Variants in PCDHGA2 observed in about 807,000 individuals in gnomAD.
The protein encoded by PCDHGA2 is protocadherin gamma subfamily A, 2.
A neutral mutation model predicts 59.2 loss-of-function variants in PCDHGA2; 40 were observed. That is an observed-to-expected ratio of 0.68 (90% CI 0.52 to 0.88). PCDHGA2 has a LOEUF of 0.88. PCDHGA2 is among the 40% of genes least tolerant of loss of function. PCDHGA2 has a pLI of 0.00. For missense variants in PCDHGA2, 1,226 were observed against 1,204.0 expected (o/e 1.02, Z -0.27); for synonymous variants, 560 against 526.0 (o/e 1.06, Z -0.89).
At chr5:141,510,272 TAA>T (rs546154379) in intron 3 of PCDHGA2, among the ~76,000 whole-genome samples, 46 of 130,286 alleles carry the variant, frequency 3.5e-4, no homozygotes, top group South Asian at 5.0e-4. Context: ...GACTCCATCT[TAA>T]AAAAAAAAAA....
rs2099170089 is a variant in PCDHGA2, at chr5:141,468,602, C to T, written c.2425-26205C>T. On this transcript the variant is annotated intron_variant, in intron 1 of 3. Coordinates refer to ENST00000394576, the MANE Select transcript of PCDHGA2 (RefSeq NM_018915.4). ...GTACTAAAGGCTGGGCGCGGTGGCT[C>T]ACGCCTGTAATCCCAGCACTTTGGG... The T allele has an allele frequency of 2.6e-5, 4 of 152,284 alleles. No individual in the cohort carries two copies. The South Asian group carries it at 8.3e-4, about 32-fold the overall frequency. 9.4% of individuals were successfully genotyped at this position (152,284 alleles called of 1,614,324 possible).
chr5:141,354,760 T>C (rs190195558), intron 1 of PCDHGA2, among the ~76,000 whole-genome samples: 1 of 152,254 alleles, frequency 6.6e-6, no homozygotes, highest in East Asian at 1.9e-4. Context: ...AGAACACATC[T>C]TAGGAAAAAA....
chr5:141,381,689 C>A lies in PCDHGA2; in HGVS notation c.2424+40294C>A, dbSNP rs548691945. 4.6e-5 allele frequency among the ~76,000 whole-genome samples: 7 copies of A among 152,268 alleles called. No individual in the cohort carries two copies. In the South Asian group the frequency reaches 1.2e-3, roughly 27 times the overall value. ...AGCTGATTGCTGCAGCCAAGACAAA[C>A]AACGATTTCTTTCTTTTTTTCTCAC... On this transcript the variant is annotated intron_variant, in intron 1 of 3. Transcript: ENST00000394576.
chr5:141,404,736 A>G, intron 1 of PCDHGA2: 1 of 1,613,622 alleles, frequency 6.2e-7, no homozygotes, highest in Non-Finnish European at 8.5e-7. Context: ...GTGGCAGTGG[A>G]CAGAGACTCA....
intron 1 of PCDHGA2, among the ~76,000 whole-genome samples, chr5:141,439,043 G>T (rs1688170264): frequency 6.6e-6 from 1 of 151,346 alleles, no homozygotes; most frequent in Non-Finnish European, 1.5e-5. Flanking sequence ...CAGTTCATAA[G>T]ATTTCCATAT....
At chr5:141,378,741 A>C (rs1588862467) in intron 1 of PCDHGA2, 2 of 152,230 alleles carry the variant, frequency 1.3e-5, no homozygotes, top group African/African-American at 2.4e-5. Context: ...GAAATATTTC[A>C]AGAAAAAAGG....
At position 141,434,489 on chromosome 5, in the gene PCDHGA2, C is replaced by G. The variant is rs921000136; in HGVS notation, c.2425-60318C>G. On this transcript the variant is annotated intron_variant, in intron 1 of 3. Coordinates refer to ENST00000394576, the MANE Select transcript of PCDHGA2 (RefSeq NM_018915.4). ...GAATGAGGGCAAGGAACACCTGGCC[C>G]GCCCAGGGCAGAAAACTGCTTAAAG... Among the ~76,000 whole-genome samples, 8 of 152,158 alleles carry G rather than the reference C, an allele frequency of 5.3e-5. 1 individual carries two copies. The highest frequency in any genetic ancestry group is 2.6e-4 in the Admixed American group (4 of 15,284).
At chr5:141,444,531 CTG>C (rs2098439915) in intron 1 of PCDHGA2, among the ~76,000 whole-genome samples, 1 of 152,100 alleles carries the variant, frequency 6.6e-6, no homozygotes, top group Non-Finnish European at 1.5e-5. Context: ...GAGACAGTGA[CTG>C]TGTCTAGTGA....
At chr5:141,434,952 C>T (rs1362599956) in intron 1 of PCDHGA2, among the ~76,000 whole-genome samples, 2 of 151,756 alleles carry the variant, frequency 1.3e-5, no homozygotes, top group East Asian at 3.9e-4. Flanking sequence ...AATTTATTAA[C>T]AATTTATAAA....
intron 1 of PCDHGA2, among the ~76,000 whole-genome samples, chr5:141,468,281 C>T (rs568875291): frequency 6.8e-6 from 1 of 147,354 alleles, no homozygotes; most frequent in African/African-American, 2.5e-5. Flanking sequence ...GCCGAGACCA[C>T]GCCATTGCAC....
chr5:141,491,434 A>G lies in PCDHGA2; in HGVS notation c.2425-3373A>G, dbSNP rs1362196179. The G allele has an allele frequency of 6.2e-7, 1 of 1,614,032 alleles. No individual in the cohort carries two copies. ...GGACGGGGGTGGAGGGCAGTGCTGC[A>G]GGCGCCAGGACTCACCCTCCCCGGA... On this transcript the variant is annotated intron_variant, in intron 1 of 3. Coordinates refer to ENST00000394576, the MANE Select transcript of PCDHGA2 (RefSeq NM_018915.4). The surrounding 1 kb of genome is among the most constrained non-coding windows in gnomAD (Gnocchi z 6.9).
At chr5:141,388,133 G>T (rs2091251188) in intron 1 of PCDHGA2, 3 of 1,450,776 alleles carry the variant, frequency 2.1e-6, no homozygotes. Flanking sequence ...AGAGCGGGGA[G>T]TTGCTTGTGA....
Position 141,477,665 on chromosome 5 carries a change from G to T in PCDHGA2, c.2425-17142G>T, listed in dbSNP as rs753814499. ...CTATTTCACAATAAATCGTGACAAT[G>T]GCATAGTGTCATCCTTAGTGCCCCT... is the stretch of plus-strand genomic sequence containing the variant. On this transcript the variant is annotated intron_variant, in intron 1 of 3. Coordinates refer to ENST00000394576, the MANE Select transcript of PCDHGA2 (RefSeq NM_018915.4). The surrounding 1 kb of genome is among the most constrained non-coding windows in gnomAD (Gnocchi z 4.9). 6.2e-7 allele frequency: 1 copy of T among 1,614,182 alleles called. No individual in the cohort carries two copies. The highest frequency in any genetic ancestry group is 8.5e-7 in the Non-Finnish European group (1 of 1,180,038).
At chr5:141,418,072 G>A in intron 1 of PCDHGA2, 1 of 1,614,058 alleles carries the variant, frequency 6.2e-7, no homozygotes, top group Non-Finnish European at 8.5e-7. Context: ...TGAGCGCGGA[G>A]AAGCTGCACT....
intron 1 of PCDHGA2, among the ~76,000 whole-genome samples, chr5:141,435,303 A>G (rs2097757060): frequency 6.6e-6 from 1 of 152,192 alleles, no homozygotes; most frequent in Admixed American, 6.5e-5. Flanking sequence ...TCATGGTTTT[A>G]AATCATTCAT....
intron 1 of PCDHGA2, chr5:141,399,501 C>T (rs941107702): frequency 5.6e-6 from 9 of 1,614,032 alleles, no homozygotes; most frequent in Non-Finnish European, 7.6e-6. Flanking sequence ...TCAGTGTACC[C>T]GAAAACAACC....
At chr5:141,350,452 G>A in intron 1 of PCDHGA2, 3 of 1,612,026 alleles carry the variant, frequency 1.9e-6, no homozygotes, top group Non-Finnish European at 2.5e-6. Flanking sequence ...CTCGAAAACT[G>A]CGGGTTAGTG....
intron 1 of PCDHGA2, chr5:141,385,269 T>TAACATCCTTAGATGTTAGA (rs771830831): frequency 1.9e-4 from 313 of 1,614,062 alleles, no homozygotes; most frequent in Non-Finnish European, 2.4e-4. Context: ...AAAATGATTC[T>TAACATCCTTAGATGTTAGA]TTGCTAACAT....
chr5:141,351,013 C>A (rs767340665), intron 1 of PCDHGA2: 1 of 1,614,062 alleles, frequency 6.2e-7, no homozygotes, highest in East Asian at 2.2e-5. Flanking sequence ...TCCAAGAAAA[C>A]GTACCGTGGG....
Sources: gnomAD v4.1 joint callset for allele counts (sites outside exome capture counted in the v4.1 genomes callset) on GRCh38, gnomAD v4.1.1 for gene constraint, Gnocchi (gnomAD v3.1) non-coding constraint, MANE v1.5 for transcripts, NCBI Gene and HGNC (gene_info 2026-07-23, HGNC 2026-07-21) for gene names.